COL5A2: variants seen among roughly 807,000 people sequenced by gnomAD.
COL5A2 encodes the protein collagen type V alpha 2 chain.
Under a neutral mutation model 208.2 loss-of-function variants are expected in COL5A2, and 23 were observed. The observed-to-expected ratio is 0.11, with a 90% CI of 0.08 to 0.16. The LOEUF is 0.16. Ranked by LOEUF, COL5A2 falls within the 10% of genes least tolerant of loss-of-function variation. The pLI, the probability that COL5A2 is intolerant of heterozygous loss-of-function variation, is 1.00. For synonymous variants in COL5A2, 625 were observed against 628.5 expected (o/e 0.99, Z 0.08); for missense variants, 1,590 against 1,956.4 (o/e 0.81, Z 3.53).
chr2:189,158,062 C>T (rs1688289823), intron 1 of COL5A2, among the ~76,000 whole-genome samples: 1 of 151,898 alleles, frequency 6.6e-6, no homozygotes, highest in South Asian at 2.1e-4. Context: ...TAAATATTTT[C>T]TGCATTTTAA....
At chr2:189,278,047 C>T in the COL5A2 span, among the ~76,000 whole-genome samples, 12 of 152,130 alleles carry the variant, frequency 7.9e-5, no homozygotes, top group African/African-American at 2.6e-4. Context: ...AAAGTTCAGG[C>T]AAGAACAAGA....
chr2:189,301,002 C>A, the COL5A2 span, among the ~76,000 whole-genome samples: 1 of 152,070 alleles, frequency 6.6e-6, no homozygotes, highest in African/African-American at 2.4e-5. Flanking sequence ...CACTGGGCAA[C>A]ATGGAGGAAC....
chr2:189,405,471 T>C, the COL5A2 span, among the ~76,000 whole-genome samples: 2 of 152,164 alleles, frequency 1.3e-5, no homozygotes, highest in African/African-American at 2.4e-5. Context: ...CCTCAAGTGA[T>C]CTGCTCACCT....
chr2:189,261,818 G>C, the COL5A2 span, among the ~76,000 whole-genome samples: 1 of 152,104 alleles, frequency 6.6e-6, no homozygotes, highest in Non-Finnish European at 1.5e-5. Context: ...CAAATATTAG[G>C]AAGCACAGTA....
the COL5A2 span, chr2:189,311,396 T>C: frequency 9.4e-7 from 1 of 1,062,432 alleles, no homozygotes; most frequent in Non-Finnish European, 1.4e-6. Flanking sequence ...GTCCTCACCA[T>C]CTTCCAGCAG....
chr2:189,224,605 C>T, intron 1 of COL5A2, among the ~76,000 whole-genome samples: 1 of 152,010 alleles, frequency 6.6e-6, no homozygotes, highest in East Asian at 1.9e-4. Flanking sequence ...AGGAGAATCA[C>T]TTAAACACAA....
the COL5A2 span, among the ~76,000 whole-genome samples, chr2:189,434,958 G>A: frequency 1.3e-5 from 2 of 152,172 alleles, no homozygotes; most frequent in Non-Finnish European, 2.9e-5. Flanking sequence ...AAAACAGCAT[G>A]GTACTGTTAC....
At chr2:189,427,815 T>C in the COL5A2 span, among the ~76,000 whole-genome samples, 3 of 152,210 alleles carry the variant, frequency 2.0e-5, no homozygotes, top group East Asian at 1.9e-4. Flanking sequence ...GACTCTTTCT[T>C]TGGCTGATTT....
the COL5A2 span, among the ~76,000 whole-genome samples, chr2:189,259,301 C>A: frequency 6.6e-6 from 1 of 152,136 alleles, no homozygotes; most frequent in South Asian, 2.1e-4. Context: ...GTAAGATTTT[C>A]CATTTATAGA....
chr2:189,200,200 G>A (rs13406371), intron 1 of COL5A2, among the ~76,000 whole-genome samples: 6,927 of 152,080 alleles, frequency 0.046, 543 homozygotes, highest in African/African-American at 0.16. Context: ...ATACCTTGAT[G>A]GTATAAAAAA....
chr2:189,039,923 A>T (rs765052041), intron 50 of COL5A2, among the ~76,000 whole-genome samples: 3 of 152,178 alleles, frequency 2.0e-5, no homozygotes, highest in Non-Finnish European at 4.4e-5. Context: ...AGGTACAACC[A>T]AAATGTTTTA....
intron 1 of COL5A2, among the ~76,000 whole-genome samples, chr2:189,205,215 G>T (rs984696763): frequency 1.3e-5 from 2 of 152,204 alleles, no homozygotes; most frequent in African/African-American, 4.8e-5. Flanking sequence ...CAAAAGAGAA[G>T]AAATCTTTAA....
At chr2:189,145,858 C>A (rs1285462712) in intron 1 of COL5A2, among the ~76,000 whole-genome samples, 8 of 151,934 alleles carry the variant, frequency 5.3e-5, no homozygotes, top group African/African-American at 1.9e-4. Context: ...TTCTTTAGAA[C>A]CAAAAATCTT....
At chr2:189,370,657 AACAT>A in the COL5A2 span, among the ~76,000 whole-genome samples, 1 of 152,144 alleles carries the variant, frequency 6.6e-6, no homozygotes, top group Non-Finnish European at 1.5e-5. Context: ...CAACACATAC[AACAT>A]ACATAGATAA....
At chr2:189,416,100 T>G in the COL5A2 span, among the ~76,000 whole-genome samples, 2 of 152,244 alleles carry the variant, frequency 1.3e-5, no homozygotes, top group African/African-American at 2.4e-5. Context: ...GGAACACTTT[T>G]ACACTGTTGG....
chr2:189,283,895 A>G, the COL5A2 span, among the ~76,000 whole-genome samples: 2 of 152,192 alleles, frequency 1.3e-5, no homozygotes, highest in African/African-American at 4.8e-5. Context: ...ACATGAATCC[A>G]GAGTTGGTCT....
chr2:189,247,221 G>A, the COL5A2 span, among the ~76,000 whole-genome samples: 10 of 152,162 alleles, frequency 6.6e-5, no homozygotes, highest in Non-Finnish European at 1.5e-4. Context: ...TAAAAGTGAG[G>A]AGCAAAGTGA....
intron 23 of COL5A2, 67 bp from the exon 24 acceptor site, chr2:189,065,124 A>G (rs192131514): frequency 1.0e-5 from 14 of 1,405,834 alleles, no homozygotes; most frequent in Non-Finnish European, 1.3e-5. Flanking sequence ...TGAATAGGTG[A>G]TTTTTATTTT....
intron 1 of COL5A2, among the ~76,000 whole-genome samples, chr2:189,160,091 C>T (rs1478925553): frequency 6.6e-6 from 1 of 151,966 alleles, no homozygotes; most frequent in Non-Finnish European, 1.5e-5. Context: ...TTTCTCCTCT[C>T]TGTAAGATAC....
Sources: gnomAD v4.1 joint callset for allele counts (sites outside exome capture counted in the v4.1 genomes callset) on GRCh38, gnomAD v4.1.1 for gene constraint, MANE v1.5 for transcripts, NCBI Gene and HGNC (gene_info 2026-07-23, HGNC 2026-07-21) for gene names.